The following SEMA3A variants were observed in gnomAD, a reference collection of about 807,000 sequenced individuals.
SEMA3A encodes semaphorin 3A, also known as semaphorin-3A.
A neutral mutation model predicts 97.9 loss-of-function variants in SEMA3A; 29 were observed. That is an observed-to-expected ratio of 0.30 (90% CI 0.22 to 0.40). The LOEUF (loss-of-function observed/expected upper bound fraction) is 0.40, where lower values mean the gene tolerates loss of function less well. SEMA3A is among the 10% of genes least tolerant of loss of function. SEMA3A has a pLI of 1.00. For synonymous variants in SEMA3A, 321 were observed against 323.7 expected (o/e 0.99, Z 0.09); for missense variants, 763 against 951.3 (o/e 0.80, Z 2.60).
chr7:84,454,886 A>G (rs1410181927), intron 1 of SEMA3A, among the ~76,000 whole-genome samples: 2 of 152,014 alleles, frequency 1.3e-5, no homozygotes, highest in African/African-American at 4.8e-5. Flanking sequence ...AATTTCATGT[A>G]CAATCTAAAT....
intron 1 of SEMA3A, among the ~76,000 whole-genome samples, chr7:84,167,498 T>C (rs1333769814): frequency 6.6e-6 from 1 of 152,128 alleles, no homozygotes. Flanking sequence ...TTGAATCTCT[T>C]AGGGATTTTG....
chr7:84,116,793 C>T (rs1400622240), intron 3 of SEMA3A, among the ~76,000 whole-genome samples: 2 of 152,152 alleles, frequency 1.3e-5, no homozygotes, highest in Admixed American at 6.6e-5. Context: ...CCTGCTTACA[C>T]CTTGAACTTG....
chr7:84,064,534 G>C (rs1434415248), intron 4 of SEMA3A, among the ~76,000 whole-genome samples: 1 of 152,058 alleles, frequency 6.6e-6, no homozygotes, highest in Middle Eastern at 3.4e-3. Flanking sequence ...CATCTCACGT[G>C]CAGAGACACA....
At position 84,002,025 on chromosome 7, in the gene SEMA3A, A is replaced by G. The variant is rs144690677; in HGVS notation, c.1382T>C (p.Val461Ala). The G allele has an allele frequency of 2.0e-4, 315 of 1,609,840 alleles. 1 individual carries two copies. Among genetic ancestry groups the G allele is most frequent in the Middle Eastern group, 3.3e-4 (2 of 6,074 alleles). The change falls in exon 12 of 17, where the codon GTA becomes GCA. Residue 461 changes from valine (V) to alanine (A), a missense_variant. Physicochemically the swap from Val to Ala is moderately conservative, Grantham distance 64 (BLOSUM62 0). Transcript: ENST00000265362. ...CCAAGTCTCCTTAGGAATTGAAACT[A>G]CTTTAAGAACGGTCCCAACATCTTT... ...IGTDVGTVLK[V>A]VSIPKETWYD...
At chr7:84,094,360 T>C (rs957626949) in intron 4 of SEMA3A, among the ~76,000 whole-genome samples, 2 of 151,976 alleles carry the variant, frequency 1.3e-5, no homozygotes, top group Non-Finnish European at 2.9e-5. Flanking sequence ...ATACTTGCAC[T>C]GATCTTAAAC....
Position 84,134,895 on chromosome 7 carries a change from A to G in SEMA3A, c.169T>C (p.Tyr57His). The change falls in exon 2 of 17, where the codon TAT becomes CAT. Residue 57 changes from tyrosine to histidine, a missense_variant. Physicochemically the swap from Tyr to His is moderately conservative, Grantham distance 83 (BLOSUM62 2). Coordinates refer to ENST00000265362, the MANE Select transcript of SEMA3A (RefSeq NM_006080.3). ...TCCTCATCCAAAAGGAAGGTATGAT[A>G]ACTGGAGCTGTTGGCCAAGCCATTG... is the stretch of plus-strand genomic sequence containing the variant. ...TFNGLANSSSYHTFLLDEERS... is the reference protein window; with the variant it reads ...TFNGLANSSSHHTFLLDEERS... The G allele has an allele frequency of 6.2e-7, 1 of 1,613,994 alleles. No individual in the cohort carries two copies. The highest frequency in any genetic ancestry group is 8.5e-7 in the Non-Finnish European group (1 of 1,179,910).
chr7:84,416,715 T>A (rs899528244), intron 1 of SEMA3A, among the ~76,000 whole-genome samples: 10 of 152,168 alleles, frequency 6.6e-5, no homozygotes, highest in African/African-American at 2.4e-4. Context: ...ATCTTAATTT[T>A]TAGTTGGAAA....
intron 3 of SEMA3A, among the ~76,000 whole-genome samples, chr7:84,237,618 T>C (rs577554428): frequency 6.6e-6 from 1 of 152,178 alleles, no homozygotes; most frequent in South Asian, 2.1e-4. Context: ...ATTATATAGA[T>C]AAGGGAACTG....
At chr7:84,010,834 T>C (rs1790849723) in intron 9 of SEMA3A, among the ~76,000 whole-genome samples, 188 bp downstream of exon 9, 3 of 152,168 alleles carry the variant, frequency 2.0e-5, no homozygotes, top group African/African-American at 7.2e-5. Flanking sequence ...TGATGATTTT[T>C]TCTAAAATTG....
At chr7:84,121,352 C>T (rs1301681677) in intron 3 of SEMA3A, among the ~76,000 whole-genome samples, 1 of 150,182 alleles carries the variant, frequency 6.7e-6, no homozygotes, top group Non-Finnish European at 1.5e-5. Context: ...TAATGTTATC[C>T]CTCCCCACTC....
At position 83,970,288 on chromosome 7, in the gene SEMA3A, G is replaced by C. The variant is rs143478704; in HGVS notation, c.1717+6844C>G. Among the ~76,000 whole-genome samples the C allele has an allele frequency of 5.3e-5, 8 of 152,188 alleles. No homozygotes were observed. In the East Asian group the frequency reaches 1.2e-3, roughly 22 times the overall value. On this transcript the variant is annotated intron_variant, in intron 15 of 16. Coordinates refer to ENST00000265362, the MANE Select transcript of SEMA3A (RefSeq NM_006080.3). ...TGAAATGAAGCTAATAAACCAGAAA[G>C]AATGGGAGGAAAGAAAATAGTTAAA...
intron 1 of SEMA3A, among the ~76,000 whole-genome samples, chr7:84,440,601 C>T (rs1805248728): frequency 6.6e-6 from 1 of 152,066 alleles, no homozygotes; most frequent in African/African-American, 2.4e-5. Context: ...ACTGCATATT[C>T]ATGGGATAAT....
At chr7:84,394,918 C>T (rs917900976) in intron 1 of SEMA3A, among the ~76,000 whole-genome samples, 4 of 152,066 alleles carry the variant, frequency 2.6e-5, no homozygotes, top group Non-Finnish European at 4.4e-5. Flanking sequence ...ATGAGGTGTA[C>T]TCAAAAGTTA....
intron 4 of SEMA3A, among the ~76,000 whole-genome samples, chr7:84,106,481 C>G (rs573933668): frequency 6.6e-6 from 1 of 152,176 alleles, no homozygotes; most frequent in East Asian, 1.9e-4. Flanking sequence ...AGTAAAATAG[C>G]CTAAGGACAT....
intron 3 of SEMA3A, among the ~76,000 whole-genome samples, chr7:84,270,750 T>G (rs969543701): frequency 1.3e-4 from 19 of 151,148 alleles, no homozygotes; most frequent in Non-Finnish European, 2.5e-4. Context: ...ACATTAGGAA[T>G]AAGTGTTATT....
At chr7:84,125,499 A>G (rs958854422) in intron 3 of SEMA3A, among the ~76,000 whole-genome samples, 1 of 152,230 alleles carries the variant, frequency 6.6e-6, no homozygotes, top group African/African-American at 2.4e-5. Flanking sequence ...TACTAAAAAT[A>G]CACAAATTAG....
chr7:84,364,847 A>G (rs1235948184), intron 2 of SEMA3A, among the ~76,000 whole-genome samples: 3 of 73,522 alleles, frequency 4.1e-5, no homozygotes, highest in Non-Finnish European at 7.9e-5. Flanking sequence ...AGAACAAGAG[A>G]AAAAAAAAAA....
intron 4 of SEMA3A, among the ~76,000 whole-genome samples, chr7:84,076,726 C>T (rs1243454811): frequency 6.6e-6 from 1 of 152,034 alleles, no homozygotes; most frequent in East Asian, 1.9e-4. Flanking sequence ...TATAAAGTCA[C>T]TTTGTTTCTA....
At chr7:84,008,415 G>A (rs116379428) in intron 9 of SEMA3A, among the ~76,000 whole-genome samples, 4,560 of 150,762 alleles carry the variant, frequency 0.03, 181 homozygotes, top group African/African-American at 0.091. Flanking sequence ...GGTGTGAGCC[G>A]GCGAGGTAGA....
Sources: gnomAD v4.1 joint callset for allele counts (sites outside exome capture counted in the v4.1 genomes callset) on GRCh38, gnomAD v4.1.1 for gene constraint, MANE v1.5 for transcripts, NCBI Gene and HGNC (gene_info 2026-07-23, HGNC 2026-07-21) for gene names.